Variants in TET2 observed in about 807,000 individuals in gnomAD.
The protein encoded by TET2 is methylcytosine dioxygenase TET2.
TET2 carries 299 observed loss-of-function variants against 142.9 expected under a neutral mutation model. That is an observed-to-expected ratio of 2.09 (90% CI 1.90 to 2.30). The LOEUF (loss-of-function observed/expected upper bound fraction) is 2.30. TET2 is among the 30% of genes most tolerant of loss of function. The pLI is 0.00. For synonymous variants in TET2, 819 were observed against 849.0 expected, an observed-to-expected ratio of 0.96 and a Z score of 0.61; for missense variants, 2,418 against 2,378.0, an observed-to-expected ratio of 1.02 and a Z score of -0.35.
At chr4:105,191,169 A>G (rs1725763368) in intron 2 of TET2, among the ~76,000 whole-genome samples, 1 of 152,200 alleles carries the variant, frequency 6.6e-6, no homozygotes, top group Non-Finnish European at 1.5e-5. Flanking sequence ...TTACAGGTGC[A>G]TGCCCCCAGG....
At chr4:105,192,184 G>C (rs1217698107) in intron 2 of TET2, among the ~76,000 whole-genome samples, 1 of 151,664 alleles carries the variant, frequency 6.6e-6, no homozygotes, top group Non-Finnish European at 1.5e-5. Context: ...AGAAGTTTAT[G>C]GAAAATTATA....
At chr4:105,160,404 T>A (rs1312776548) in intron 1 of TET2, among the ~76,000 whole-genome samples, 1 of 152,246 alleles carries the variant, frequency 6.6e-6, no homozygotes, top group Non-Finnish European at 1.5e-5. Flanking sequence ...GTGCTATGTA[T>A]TAGCTGTAAG....
chr4:105,158,421 A>C (rs1723671566), intron 1 of TET2, among the ~76,000 whole-genome samples: 1 of 152,228 alleles, frequency 6.6e-6, no homozygotes, highest in South Asian at 2.1e-4. Context: ...AACCCATTGT[A>C]AAAGATATAA....
upstream of TET2, chr4:105,145,912 C>CG (rs1354146419): frequency 6.6e-6 from 1 of 152,066 alleles, no homozygotes; most frequent in Non-Finnish European, 1.5e-5. Context: ...AAACAGAACT[C>CG]GGTCAATTTC....
At chr4:105,182,940 A>G (rs12506006) in intron 1 of TET2, among the ~76,000 whole-genome samples, 4,997 of 152,282 alleles carry the variant, frequency 0.033, 265 homozygotes, top group East Asian at 0.19. Context: ...TAAATAATTT[A>G]TGACATAAGT....
rs371019824 is a variant in TET2 at position 105,237,719 on chromosome 4, T to C, written c.3409+368T>C. On this transcript the variant is annotated intron_variant, in intron 3 of 10. Transcript: ENST00000380013. ...AAAACAATCTATTAAAATGAGAAAA[T>C]AACGACCATAGGCAGTCTAATGTAC... 101 of 1,222,132 alleles carry C rather than the reference T, an allele frequency of 8.3e-5. No individual in the cohort carries two copies. In the African/African-American group the frequency reaches 1.3e-3, roughly 15 times the overall value. The allele number at this position is 1,222,132 out of a possible 1,614,324, so 75.7% of individuals were successfully genotyped here.
At chr4:105,156,892 CT>C (rs2110362325) in intron 1 of TET2, among the ~76,000 whole-genome samples, 1 of 152,212 alleles carries the variant, frequency 6.6e-6, no homozygotes, top group South Asian at 2.1e-4. Context: ...CCTGTTTGTT[CT>C]TTTAGCACTT....
At chr4:105,241,784 G>C in intron 4 of TET2, 1 of 1,252,108 alleles carries the variant, frequency 8.0e-7, no homozygotes, top group Non-Finnish European at 1.0e-6. Flanking sequence ...TGTCAAAGCA[G>C]AAAGACTGGT....
chr4:105,241,647 C>A, intron 4 of TET2: 1 of 1,281,492 alleles, frequency 7.8e-7, no homozygotes, highest in African/African-American at 1.5e-5. Context: ...ACAGGCTGCC[C>A]ACTTTGCGAT....
In TET2 at chr4:105,276,835, T is replaced by TGGGGGGGGGGGGGGGGGGG; in HGVS notation, c.*317_*318insGGGGGGGGGGGGGGGGGGG. ...TATTGGACGAGATGATATGTAAATG[T>TGGGGGGGGGGGGGGGGGGG]GATCCCCCCCCCCCGCTTACAACTC... On this transcript the variant is annotated 3_prime_UTR_variant, in exon 11 of 11. Coordinates refer to ENST00000380013, the MANE Select transcript of TET2 (RefSeq NM_001127208.3). 4.4e-6 allele frequency: 1 copy of TGGGGGGGGGGGGGGGGGGG among 228,248 alleles called. No homozygotes were observed. The highest frequency in any genetic ancestry group is 8.0e-6 in the Non-Finnish European group (1 of 125,254). The allele number at this position is 228,248 out of a possible 1,614,324, so 14.1% of individuals were successfully genotyped here.
At chr4:105,187,869 G>A (rs185157023) in intron 1 of TET2, among the ~76,000 whole-genome samples, 14 of 152,184 alleles carry the variant, frequency 9.2e-5, no homozygotes, top group Non-Finnish European at 1.8e-4. Context: ...GTGTTAGTGC[G>A]GATATGGAAA....
chr4:105,199,718 G>A (rs1212660286), intron 2 of TET2, among the ~76,000 whole-genome samples: 1 of 151,960 alleles, frequency 6.6e-6, no homozygotes, highest in African/African-American at 2.4e-5. Flanking sequence ...GATAGGCCCC[G>A]GTGTGTGTTG....
chr4:105,163,846 A>T (rs1455808515), intron 1 of TET2, among the ~76,000 whole-genome samples: 1,353 of 115,878 alleles, frequency 0.012, 9 homozygotes, highest in Middle Eastern at 0.068. Flanking sequence ...AGAGAGAGAG[A>T]GAGAGAGAGT....
chr4:105,160,376 T>G lies in TET2; in HGVS notation c.-193+13397T>G, dbSNP rs183197636. Among the ~76,000 whole-genome samples, 279 of 152,350 alleles carry G rather than the reference T, an allele frequency of 1.8e-3. 1 individual carries two copies. The highest frequency in any genetic ancestry group is 2.8e-3 in the Non-Finnish European group (189 of 68,026). On this transcript the variant is annotated intron_variant, in intron 1 of 10. Transcript: ENST00000380013. ...AAATTTAAATGTCTAACCACGTATA[T>G]TTGGTATATGTATACTGGTGCTATG...
At chr4:105,272,134 A>C (rs1730991583) in intron 9 of TET2, among the ~76,000 whole-genome samples, 1 of 152,242 alleles carries the variant, frequency 6.6e-6, no homozygotes, top group African/African-American at 2.4e-5. Flanking sequence ...GGCAAATGTG[A>C]TACTACCAAA....
chr4:105,238,261 T>C (rs1160978879), intron 3 of TET2: 1 of 238,762 alleles, frequency 4.2e-6, no homozygotes, highest in African/African-American at 2.2e-5. Flanking sequence ...TGTGGACTGA[T>C]CATGGTGGTA....
intron 1 of TET2, among the ~76,000 whole-genome samples, chr4:105,186,275 G>T (rs1725437304): frequency 6.6e-6 from 1 of 151,954 alleles, no homozygotes; most frequent in Non-Finnish European, 1.5e-5. Flanking sequence ...TATGTGTGTG[G>T]GAATGAGAAC....
intron 1 of TET2, among the ~76,000 whole-genome samples, chr4:105,158,526 G>A (rs1390496853): frequency 6.6e-6 from 1 of 152,066 alleles, no homozygotes; most frequent in Non-Finnish European, 1.5e-5. Context: ...TACTGAATGG[G>A]TCATGTTGTA....
intron 3 of TET2, 141 bp downstream of exon 3, chr4:105,237,492 A>G (rs932369921): frequency 6.2e-7 from 1 of 1,604,864 alleles, no homozygotes; most frequent in East Asian, 2.2e-5. Context: ...TGAAGCTTAC[A>G]TTTTTTGTCA....
Sources: allele counts gnomAD v4.1 joint callset (sites outside exome capture counted in the v4.1 genomes callset), GRCh38; gene constraint gnomAD v4.1.1; transcripts MANE v1.5; gene names NCBI Gene and HGNC (gene_info 2026-07-23, HGNC 2026-07-21).